Variants in RPN1 observed in about 807,000 individuals in gnomAD.
RPN1 encodes dolichyl-diphosphooligosaccharide--protein glycosyltransferase subunit 1.
Under a neutral mutation model 55.5 loss-of-function variants are expected in RPN1, and 12 were observed. The ratio of observed to expected loss-of-function variants is 0.22; its 90% CI spans 0.14 to 0.35. RPN1 has a LOEUF of 0.35. Among genes scored for constraint, RPN1 ranks in the 10% least tolerant of loss-of-function variants. RPN1 has a pLI of 1.00. For synonymous variants in RPN1, 317 were observed against 305.9 expected (o/e 1.04, Z -0.38); for missense variants, 679 against 761.3 (o/e 0.89, Z 1.27).
chr3:128,625,722 G>A (rs552495482), intron 7 of RPN1, 69 bp from the exon 8 acceptor site: 2 of 1,604,934 alleles, frequency 1.2e-6, no homozygotes, highest in African/African-American at 2.7e-5. Flanking sequence ...CACCCAGGCT[G>A]GCCCACTCGA....
chr3:128,630,757 G>A (rs2069635085), intron 4 of RPN1, among the ~76,000 whole-genome samples: 1 of 152,224 alleles, frequency 6.6e-6, no homozygotes, highest in African/African-American at 2.4e-5. Flanking sequence ...AATGACAGCT[G>A]TGTTTGGGTG....
chr3:128,631,746 A>G (rs757580318), intron 4 of RPN1, among the ~76,000 whole-genome samples: 2 of 152,072 alleles, frequency 1.3e-5, no homozygotes, highest in Non-Finnish European at 2.9e-5. Context: ...TGTCTCAAAG[A>G]AAAAAAAGAA....
intron 6 of RPN1, among the ~76,000 whole-genome samples, chr3:128,626,441 C>G (rs919257708): frequency 2.0e-5 from 3 of 152,190 alleles, no homozygotes; most frequent in Non-Finnish European, 4.4e-5. Context: ...CTGCTTTTGT[C>G]TGCCCAGGCC....
intron 8 of RPN1, among the ~76,000 whole-genome samples, chr3:128,624,933 A>C (rs543139951): frequency 6.6e-6 from 1 of 152,176 alleles, no homozygotes. Flanking sequence ...CCTGACTACA[A>C]TAAGTGCCTG....
At chr3:128,631,674 G>A (rs767224021) in intron 4 of RPN1, among the ~76,000 whole-genome samples, 33 of 152,052 alleles carry the variant, frequency 2.2e-4, no homozygotes, top group Non-Finnish European at 3.8e-4. Flanking sequence ...CCCAGGAGGC[G>A]GAGGCTGCAA....
At position 128,650,068 on chromosome 3, in the gene RPN1, T is replaced by A. The variant is rs181677951; in HGVS notation, c.261+472A>T. Among the ~76,000 whole-genome samples, 46 of 152,226 alleles carry A rather than the reference T, an allele frequency of 3.0e-4. 1 individual carries two copies. The highest frequency in any genetic ancestry group is 1.1e-3 in the African/African-American group (46 of 41,466). On this transcript the variant is annotated intron_variant, in intron 1 of 9. Coordinates refer to ENST00000296255, the MANE Select transcript of RPN1 (RefSeq NM_002950.4). The stretch of plus-strand genomic sequence containing the variant: ...AAATTCACTTTAATTCATTTATTTG[T>A]CCTCTACTTGAGCCACCTCGTCGGG...
rs770002007 is a variant in RPN1 at position 128,637,871 on chromosome 3, C to T, written c.561G>A (p.Lys187=). The change falls in exon 3 of 10, where the codon AAG becomes AAA. Residue 187 remains lysine (K), a synonymous_variant. Coordinates refer to ENST00000296255, the MANE Select transcript of RPN1 (RefSeq NM_002950.4). Reference sequence around the variant, plus strand: ...CCTCAGAGCGCGTGGGGTTCCCCAGCTTGGTGTAGCTCTCCACATTTCGAG... The same window carrying T: ...CCTCAGAGCGCGTGGGGTTCCCCAGTTTGGTGTAGCTCTCCACATTTCGAG... ...LASRNVESYT[K]LGNPTRSEDL... The T allele has an allele frequency of 3.7e-6, 6 of 1,614,142 alleles. No individual in the cohort carries two copies. Among genetic ancestry groups the T allele is most frequent in the Non-Finnish European group, 5.1e-6 (6 of 1,180,044 alleles).
At position 128,620,373 on chromosome 3, in the gene RPN1, G is replaced by T; in HGVS notation, c.*38C>A. 1 of 1,581,638 alleles carries T rather than the reference G, an allele frequency of 6.3e-7. No individual in the cohort carries two copies. Among genetic ancestry groups the T allele is most frequent in the South Asian group, 1.1e-5 (1 of 87,300 alleles). ...CCCAATCTGCCTGCCACAGCAAAGT[G>T]CAGGCACCCTGGGCCCCCTGGAGGA... On this transcript the variant is annotated 3_prime_UTR_variant, in exon 10 of 10. Transcript: ENST00000296255.
intron 8 of RPN1, 80 bp downstream of exon 8, chr3:128,625,454 C>A (rs893298564): frequency 6.2e-7 from 1 of 1,606,446 alleles, no homozygotes; most frequent in Non-Finnish European, 8.5e-7. Flanking sequence ...GCCCTGGGCT[C>A]ACTGTGAGGA....
Position 128,620,547 on chromosome 3 carries a change from A to G in RPN1, c.1688T>C (p.Leu563Pro). 6.2e-7 allele frequency: 1 copy of G among 1,614,154 alleles called. No homozygotes were observed. The highest frequency in any genetic ancestry group is 8.5e-7 in the Non-Finnish European group (1 of 1,180,004). ...GCGCTCAGCCTCCACCGCCGACTTC[A>G]GCACCAGCTCCTTGACCTGTGCATC... ...KLDAQVKELV[L>P]KSAVEAERLV... Residue 563 changes from leucine (L) to proline (P), a missense_variant, in exon 10 of 10, where the codon CTG (leucine) becomes CCG (proline). By Grantham distance (98) the Leu-to-Pro change is moderately conservative. This residue lies in a region of RPN1 where 306 missense variants were observed against 360.0 expected (regional missense o/e 0.85). Transcript: ENST00000296255.
chr3:128,629,841 C>G, intron 5 of RPN1, 110 bp downstream of exon 5: 1 of 626,066 alleles, frequency 1.6e-6, no homozygotes, highest in Non-Finnish European at 2.8e-6. Flanking sequence ...AACCAGCCTT[C>G]CTCAGAATGA....
chr3:128,640,959 T>A lies in RPN1; in HGVS notation c.327-2854A>T, dbSNP rs975484355. 5 of 152,288 alleles carry A rather than the reference T, an allele frequency of 3.3e-5. No homozygotes were observed. The East Asian group carries it at 9.6e-4, about 29-fold the overall frequency. 9.4% of individuals were successfully genotyped at this position (152,288 alleles called of 1,614,324 possible). On this transcript the variant is annotated intron_variant, in intron 2 of 9. Coordinates refer to ENST00000296255, the MANE Select transcript of RPN1 (RefSeq NM_002950.4). Reference sequence around the variant, plus strand: ...TTGCTTTGATAATTCAGAAGACAAATCAGAACCTTTCAGCACTCCAAGATC... The same window carrying A: ...TTGCTTTGATAATTCAGAAGACAAAACAGAACCTTTCAGCACTCCAAGATC...
At chr3:128,627,547 G>C (rs1282662925) in intron 5 of RPN1, among the ~76,000 whole-genome samples, 2 of 152,102 alleles carry the variant, frequency 1.3e-5, no homozygotes, top group Admixed American at 1.3e-4. Context: ...GAGGCAGGCA[G>C]ATCACCTGAG....
chr3:128,626,966 A>G, intron 5 of RPN1, 134 bp from the exon 6 acceptor site: 2 of 722,534 alleles, frequency 2.8e-6, no homozygotes, highest in Non-Finnish European at 4.7e-6. Context: ...CATGTTTACA[A>G]CAAAACCAGG....
rs763863363 is a variant in RPN1 at position 128,620,524 on chromosome 3, G to A, written c.1711C>T (p.Arg571Cys). The change falls in exon 10 of 10, where the codon CGC becomes TGC. Residue 571 changes from arginine to cysteine, a missense_variant. Around this residue, in one of 3 missense-constraint regions of RPN1, gnomAD observed 306 missense variants for 360.0 expected, o/e 0.85. Transcript: ENST00000296255. ...LVLKSAVEAE[R>C]LVAGKLKKDT... ...TTCTTGAGCTTGCCAGCCACCAGGCGCTCAGCCTCCACCGCCGACTTCAGC... is the reference window on the plus strand; with the variant it reads ...TTCTTGAGCTTGCCAGCCACCAGGCACTCAGCCTCCACCGCCGACTTCAGC... 23 of 1,613,988 alleles carry A rather than the reference G, an allele frequency of 1.4e-5. No individual in the cohort carries two copies. The highest frequency in any genetic ancestry group is 3.4e-6 in the Non-Finnish European group (4 of 1,179,992).
chr3:128,628,082 A>AC (rs1223968794), intron 5 of RPN1, among the ~76,000 whole-genome samples: 1 of 152,018 alleles, frequency 6.6e-6, no homozygotes, highest in African/African-American at 2.4e-5. Flanking sequence ...ACATAGTGAA[A>AC]CCCCATCTCT....
chr3:128,649,227 T>C (rs2069794414), intron 1 of RPN1, among the ~76,000 whole-genome samples: 1 of 152,210 alleles, frequency 6.6e-6, no homozygotes, highest in Admixed American at 6.5e-5. Flanking sequence ...CTCAATAAAG[T>C]TGGGAGAAAA....
rs1294495367 is a variant in RPN1 at position 128,650,650 on chromosome 3, C to T, written c.151G>A (p.Ala51Thr). Residue 51 changes from alanine (A) to threonine (T), a missense_variant, in exon 1 of 10, where the codon GCC (alanine) becomes ACC (threonine). Coordinates refer to ENST00000296255, the MANE Select transcript of RPN1 (RefSeq NM_002950.4). ...CCCAGGTGCGCCAGGACCACCTCGG[C>T]CGTCACCTTAGCCAGGTGGCTGCTT... ...DLSSHLAKVTAEVVLAHLGGG... is the reference protein window; with the variant it reads ...DLSSHLAKVTTEVVLAHLGGG... 22 of 1,561,138 alleles carry T rather than the reference C, an allele frequency of 1.4e-5. No homozygotes were observed. Among genetic ancestry groups the T allele is most frequent in the South Asian group, 2.4e-5 (2 of 84,938 alleles).
chr3:128,638,137 G>A (rs2069695135), intron 2 of RPN1, 32 bp from the exon 3 acceptor site: 2 of 1,541,260 alleles, frequency 1.3e-6, no homozygotes, highest in South Asian at 1.1e-5. Context: ...AGAAGTAAGA[G>A]AGACTGAGGA....
Sources: allele counts gnomAD v4.1 joint callset (sites outside exome capture counted in the v4.1 genomes callset), GRCh38; gene constraint gnomAD v4.1.1; regional missense constraint gnomAD v4.1.1; transcripts MANE v1.5; gene names NCBI Gene and HGNC (gene_info 2026-07-23, HGNC 2026-07-21).